The following GTF3C3 variants were observed in gnomAD, a reference collection of about 807,000 sequenced individuals.
GTF3C3 encodes the protein general transcription factor 3C polypeptide 3.
GTF3C3 carries 75 observed loss-of-function variants against 105.2 expected under a neutral mutation model. The ratio of observed to expected loss-of-function variants is 0.71; its 90% confidence interval spans 0.59 to 0.86. The LOEUF is 0.86. Ranked by LOEUF, GTF3C3 falls within the 40% of genes least tolerant of loss-of-function variation. The pLI is 0.00. For missense variants in GTF3C3, 856 were observed against 1,076.5 expected (o/e 0.80, Z 2.87); for synonymous variants, 335 against 370.4 (o/e 0.90, Z 1.10).
rs566402364 is a variant in GTF3C3 at position 196,773,509 on chromosome 2, A to G, written c.1832-356T>C. Among the ~76,000 whole-genome samples the G allele has an allele frequency of 1.2e-4, 18 of 152,336 alleles. No homozygotes were observed. In the South Asian group the frequency reaches 3.5e-3, roughly 30 times the overall value. On this transcript the variant is annotated intron_variant, in intron 13 of 17. Transcript: ENST00000263956. ...TAATCCCATAGGGAAGCAGTCCCCAACCTTTTTGGCACCAAGGACCAGTTT... is the reference window on the plus strand; with the variant it reads ...TAATCCCATAGGGAAGCAGTCCCCAGCCTTTTTGGCACCAAGGACCAGTTT...
At chr2:196,797,746 T>C (rs755768330) in intron 2 of GTF3C3, 51 bp downstream of exon 2, 2 of 1,001,768 alleles carry the variant, frequency 2.0e-6, no homozygotes, top group South Asian at 2.6e-5. Context: ...TAAATTACTT[T>C]GCTTACATAC....
intron 10 of GTF3C3, chr2:196,778,318 G>A (rs1226778908): frequency 2.6e-5 from 4 of 152,198 alleles, no homozygotes; most frequent in Admixed American, 6.5e-5. Flanking sequence ...GATTTTTAAT[G>A]CATCTTTTAT....
chr2:196,785,408 A>G, intron 7 of GTF3C3, 33 bp downstream of exon 7: 1 of 1,302,892 alleles, frequency 7.7e-7, no homozygotes, highest in Middle Eastern at 2.3e-4. Flanking sequence ...AACACATGCA[A>G]AACTTAACAG....
chr2:196,777,745 TTA>T (rs1699283035), intron 10 of GTF3C3: 1 of 152,212 alleles, frequency 6.6e-6, no homozygotes, highest in Non-Finnish European at 1.5e-5. Flanking sequence ...TTTATCATTT[TTA>T]GATGACTCTG....
chr2:196,773,395 T>C (rs993294347), intron 13 of GTF3C3, among the ~76,000 whole-genome samples: 1 of 152,214 alleles, frequency 6.6e-6, no homozygotes, highest in Non-Finnish European at 1.5e-5. Flanking sequence ...ACTTGGTCTC[T>C]ACAAGTTCCA....
chr2:196,793,043 CTCCTCCTCCTCCTCCTCTTCT>C lies in GTF3C3; in HGVS notation c.303_323del (p.Glu105_Glu111del). 1 of 1,576,346 alleles carries C rather than the reference CTCCTCCTCCTCCTCCTCTTCT, an allele frequency of 6.3e-7. No individual in the cohort carries two copies. The highest frequency in any genetic ancestry group is 1.1e-5 in the South Asian group (1 of 90,588). On this transcript the variant is annotated inframe_deletion, in exon 3 of 18. Transcript: ENST00000263956. Reference sequence around the variant, plus strand: ...TGGGTTGCTCAGGTGTTTCTTCCTCCTCCTCCTCCTCCTCCTCTTCTTCCTCTTCCTCCTCATCATCTTCAT... The same window carrying C: ...TGGGTTGCTCAGGTGTTTCTTCCTCCTCCTCTTCCTCCTCATCATCTTCAT...
At chr2:196,785,332 TTAAA>T in intron 7 of GTF3C3, 105 bp downstream of exon 7, 1 of 746,798 alleles carries the variant, frequency 1.3e-6, no homozygotes, top group South Asian at 2.3e-5. Flanking sequence ...CATATAGACT[TTAAA>T]TATATACATA....
intron 17 of GTF3C3, 145 bp downstream of exon 17, chr2:196,766,420 T>C (rs1215121978): frequency 1.7e-6 from 1 of 599,786 alleles, no homozygotes; most frequent in Non-Finnish European, 2.9e-6. Flanking sequence ...GTGGTACCTG[T>C]TCCTGAACAT....
chr2:196,795,582 A>C lies in GTF3C3; in HGVS notation c.214+2215T>G, dbSNP rs114266289. On this transcript the variant is annotated intron_variant, in intron 2 of 17. Transcript: ENST00000263956. ...AAGAAAAATCGTATGATCCATCCTG[A>C]TAGAACGAAGCATTTGATAAAATTC... Among the ~76,000 whole-genome samples, 319 of 152,370 alleles carry C rather than the reference A, an allele frequency of 2.1e-3. 1 individual carries two copies. Among genetic ancestry groups the C allele is most frequent in the African/African-American group, 7.4e-3 (306 of 41,586 alleles).
chr2:196,785,354 TA>T, intron 7 of GTF3C3, 86 bp downstream of exon 7: 1 of 1,037,768 alleles, frequency 9.6e-7, no homozygotes, highest in Non-Finnish European at 1.4e-6. Context: ...ATAATTTAAC[TA>T]AAACGAAGAA....
intron 16 of GTF3C3, 133 bp from the exon 17 acceptor site, chr2:196,766,850 T>TGTA: frequency 1.6e-6 from 1 of 619,798 alleles, no homozygotes; most frequent in African/African-American, 1.8e-5. Flanking sequence ...CCTATTACTG[T>TGTA]GTAGTATTAC....
chr2:196,777,238 T>G (rs983350873), intron 10 of GTF3C3, among the ~76,000 whole-genome samples: 2 of 152,168 alleles, frequency 1.3e-5, no homozygotes, highest in Non-Finnish European at 2.9e-5. Flanking sequence ...AAAGGCCTCC[T>G]CAGTTTCCAC....
intron 8 of GTF3C3, among the ~76,000 whole-genome samples, chr2:196,783,410 G>A (rs914427182): frequency 6.6e-6 from 1 of 152,126 alleles, no homozygotes; most frequent in Admixed American, 6.5e-5. Context: ...ACACAATTAA[G>A]AAGAAAAATC....
At chr2:196,785,664 T>C (rs1424477590) in intron 6 of GTF3C3, 76 bp from the exon 7 acceptor site, 1 of 839,994 alleles carries the variant, frequency 1.2e-6, no homozygotes, top group Admixed American at 2.2e-5. Context: ...TTAGGCTATC[T>C]AACAATGAAC....
Position 196,788,097 on chromosome 2 carries a change from A to C in GTF3C3, c.893+1107T>G, listed in dbSNP as rs957969500. ...GCTATAGATTTAACTAACAGCAAAT[A>C]ACCTGGGAAGACCCTCAGTGCTCAT... On this transcript the variant is annotated intron_variant, in intron 6 of 17. Transcript: ENST00000263956. Among the ~76,000 whole-genome samples, 14 of 152,266 alleles carry C rather than the reference A, an allele frequency of 9.2e-5. 1 individual carries two copies. Among genetic ancestry groups the C allele is most frequent in the Non-Finnish European group, 1.6e-4 (11 of 68,038 alleles).
chr2:196,766,103 C>T (rs1194664361), intron 17 of GTF3C3, among the ~76,000 whole-genome samples: 3 of 149,864 alleles, frequency 2.0e-5, no homozygotes, highest in African/African-American at 7.4e-5. Context: ...TGTTAAAATA[C>T]ATTTAAAAAT....
intron 2 of GTF3C3, among the ~76,000 whole-genome samples, chr2:196,794,968 A>T (rs936811680): frequency 1.3e-5 from 2 of 152,118 alleles, no homozygotes; most frequent in Admixed American, 6.5e-5. Flanking sequence ...ACCTCAGGTG[A>T]TCCACCCACC....
rs994779107 is a variant in GTF3C3 at position 196,764,808 on chromosome 2, A to T, written c.2539-123T>A. 488 of 392,174 alleles carry T rather than the reference A, an allele frequency of 1.2e-3. 2 individuals carry two copies. The African/African-American group carries it at 0.013, about 10-fold the overall frequency. The allele number at this position is 392,174 out of a possible 1,614,324, so 24.3% of individuals were successfully genotyped here. A position where few individuals can be genotyped will look rare whatever the true frequency, so the allele number is the denominator to read the frequency against. On this transcript the variant is annotated intron_variant, in intron 17 of 17. Transcript: ENST00000263956. ...CAAAAGGTATTAAAGCTCATGTACTAAAAAAAAATTATAAAACTATGCATA... is the reference window on the plus strand; with the variant it reads ...CAAAAGGTATTAAAGCTCATGTACTTAAAAAAAATTATAAAACTATGCATA...
intron 8 of GTF3C3, among the ~76,000 whole-genome samples, chr2:196,784,312 T>C (rs1222805285): frequency 6.6e-6 from 1 of 152,108 alleles, no homozygotes; most frequent in African/African-American, 2.4e-5. Flanking sequence ...CAACTTGATG[T>C]AGGGTCTTGA....
Sources: gnomAD v4.1 joint callset for allele counts (sites outside exome capture counted in the v4.1 genomes callset) on GRCh38, gnomAD v4.1.1 for gene constraint, MANE v1.5 for transcripts, NCBI Gene and HGNC (gene_info 2026-07-23, HGNC 2026-07-21) for gene names.